AMHR2: variants seen among roughly 807,000 people sequenced by gnomAD.
The protein encoded by AMHR2 is anti-Muellerian hormone type-2 receptor.
In AMHR2, 36 loss-of-function variants were observed where a neutral mutation model predicts 61.4. That is an observed-to-expected ratio of 0.59 (90% CI 0.45 to 0.77). The LOEUF (loss-of-function observed/expected upper bound fraction) is 0.77. AMHR2 is among the 30% of genes least tolerant of loss of function. The probability of loss-of-function intolerance (pLI) is 0.00; values close to 1 mark genes in which losing one functional copy is unlikely to be tolerated. For synonymous variants in AMHR2, 258 were observed against 279.4 expected (o/e 0.92, Z 0.76); for missense variants, 638 against 714.6 (o/e 0.89, Z 1.22).
chr12:53,425,279 G>A, intron 4 of AMHR2, 37 bp downstream of exon 4: 1 of 1,611,402 alleles, frequency 6.2e-7, no homozygotes, highest in South Asian at 1.1e-5. Flanking sequence ...GTGACCCCAA[G>A]ACATTGCCCC....
chr12:53,426,944 A>C (rs976363050), intron 6 of AMHR2, among the ~76,000 whole-genome samples: 2 of 148,648 alleles, frequency 1.3e-5, no homozygotes, highest in Admixed American at 1.4e-4. Context: ...TAGCCCCCCA[A>C]AGTGCTGGGA....
At position 53,429,626 on chromosome 12, in the gene AMHR2, G is replaced by A. The variant is rs760504746; in HGVS notation, c.1140+1G>A. 7 of 1,613,824 alleles carry A rather than the reference G, an allele frequency of 4.3e-6. No homozygotes were observed. In the African/African-American group the frequency reaches 6.7e-5, roughly 15 times the overall value. ...ACAAGGCCCAGCTGCCATCATGGAA[G>A]TGAGTTCTCTGGATAACTGGTGAGG... On this transcript the variant is annotated splice_donor_variant, in intron 8 of 10. Transcript: ENST00000257863. LOFTEE classifies it high-confidence loss of function.
chr12:53,431,210 T>C lies in AMHR2; in HGVS notation c.1459T>C (p.Cys487Arg). 6.2e-7 allele frequency: 1 copy of C among 1,614,236 alleles called. No homozygotes were observed. The highest frequency in any genetic ancestry group is 8.5e-7 in the Non-Finnish European group (1 of 1,180,040). ...TGGGCTGAGGGAGCTCCTAGAAGAC[T>C]GTTGGGATGCAGACCCAGAAGCACG... ...PDGLRELLED[C>R]WDADPEARLT... is the part of the protein sequence containing the mutation. The change falls in exon 11 of 11, where the codon TGT becomes CGT. Residue 487 changes from cysteine to arginine, a missense_variant. Cys to Arg is a radical substitution (Grantham distance 180). Transcript: ENST00000257863.
chr12:53,430,863 T>C, intron 10 of AMHR2: 1 of 467,120 alleles, frequency 2.1e-6, no homozygotes. Context: ...TGACAGAAAC[T>C]GGGCATTACT....
Position 53,423,881 on chromosome 12 carries a change from G to A in AMHR2, c.-54G>A. ...TATCTGAAGAAAGATTTGGCCAGGG[G>A]CAGCTGTGCTGGCTTATGCTCTTCT... On this transcript the variant is annotated 5_prime_UTR_variant, in exon 1 of 11. Coordinates refer to ENST00000257863, the MANE Select transcript of AMHR2 (RefSeq NM_020547.3). 4 of 1,601,678 alleles carry A rather than the reference G, an allele frequency of 2.5e-6. No homozygotes were observed. Among genetic ancestry groups the A allele is most frequent in the Non-Finnish European group, 3.4e-6 (4 of 1,169,282 alleles).
At position 53,424,910 on chromosome 12, in the gene AMHR2, CAAGGGTACTG is replaced by C; in HGVS notation, c.424+14_424+23del. 1 of 1,608,710 alleles carries C rather than the reference CAAGGGTACTG, an allele frequency of 6.2e-7. No individual in the cohort carries two copies. The highest frequency in any genetic ancestry group is 8.5e-7 in the Non-Finnish European group (1 of 1,179,498). On this transcript the variant is annotated intron_variant, in intron 3 of 10. Transcript: ENST00000257863. The stretch of plus-strand genomic sequence containing the variant: ...CCCCAGGCTGCCCCAGGTAGCCACC[CAAGGGTACTG>C]AAGCCTGATGGGGGCTGGGGCCCAG...
chr12:53,425,067 G>C (rs1020274598), intron 3 of AMHR2, 98 bp from the exon 4 acceptor site: 1 of 1,599,560 alleles, frequency 6.3e-7, no homozygotes, highest in Admixed American at 1.7e-5. Context: ...TTGTGACCAG[G>C]GTGGGGGTGG....
chr12:53,424,126 C>T, intron 1 of AMHR2, 143 bp downstream of exon 1: 1 of 1,307,658 alleles, frequency 7.6e-7, no homozygotes, highest in South Asian at 1.2e-5. Flanking sequence ...GTCCCCATGG[C>T]AGGGCTCAGG....
In AMHR2 at chr12:53,431,424, G is replaced by A. The variant is rs748564130; in HGVS notation, c.1673G>A (p.Gly558Asp). Residue 558 changes from glycine (G) to aspartate (D), a missense_variant, in exon 11 of 11, where the codon GGC becomes GAC. Coordinates refer to ENST00000257863, the MANE Select transcript of AMHR2 (RefSeq NM_020547.3). ...RSACHFSVQQ[G>D]PCSRNPQPAC... ...GCCTGCCACTTCAGCGTTCAGCAAG[G>A]CCCTTGTTCCAGGAATCCTCAGCCT... 16 of 1,614,094 alleles carry A rather than the reference G, an allele frequency of 9.9e-6. No individual in the cohort carries two copies. The highest frequency in any genetic ancestry group is 1.4e-5 in the Non-Finnish European group (16 of 1,180,050).
At position 53,431,561 on chromosome 12, in the gene AMHR2, C is replaced by T; in HGVS notation, c.*88C>T. ...TTGTCTGCCTCATCACTGCATTTCC[C>T]ACCTGCCGAATCCTTGGATTCTTCT... On this transcript the variant is annotated 3_prime_UTR_variant, in exon 11 of 11. Transcript: ENST00000257863. 6.5e-7 allele frequency: 1 copy of T among 1,542,834 alleles called. No homozygotes were observed. The highest frequency in any genetic ancestry group is 8.9e-7 in the Non-Finnish European group (1 of 1,121,798).
chr12:53,423,987 A>G lies in AMHR2; in HGVS notation c.49+4A>G, dbSNP rs1181914244. On this transcript the variant is annotated splice_donor_region_variant and intron_variant, in intron 1 of 10. Coordinates refer to ENST00000257863, the MANE Select transcript of AMHR2 (RefSeq NM_020547.3). ...TTACTTCCCACAGCTGTGGAAGGTA[A>G]GTGTCTACAGGGAGGGGAAGGGTCT... 4.3e-6 allele frequency: 7 copies of G among 1,614,054 alleles called. No homozygotes were observed. The highest frequency in any genetic ancestry group is 1.7e-5 in the Admixed American group (1 of 60,012).
At position 53,425,522 on chromosome 12, in the gene AMHR2, C is replaced by A. The variant is rs1272471879; in HGVS notation, c.570C>A (p.Gly190=). 6 of 1,614,112 alleles carry A rather than the reference C, an allele frequency of 3.7e-6. No individual in the cohort carries two copies. The highest frequency in any genetic ancestry group is 5.1e-6 in the Non-Finnish European group (6 of 1,180,048). The change falls in exon 5 of 11, where the codon GGC becomes GGA. Residue 190 remains glycine (G), a synonymous_variant. Coordinates refer to ENST00000257863, the MANE Select transcript of AMHR2 (RefSeq NM_020547.3). Reference sequence around the variant, plus strand: ...TGCCAGAGCCAAGGCCAGACTCAGGCAGGGACTGGAGTGTGGAGCTGCAGG... The same window carrying A: ...TGCCAGAGCCAAGGCCAGACTCAGGAAGGGACTGGAGTGTGGAGCTGCAGG... The part of the protein sequence containing the change: ...EPVPEPRPDS[G]RDWSVELQEL...
rs139699904 is a variant in AMHR2, at chr12:53,430,226, G to A, written c.1369G>A (p.Ala457Thr). ...TPTSDELWALAVQERRRPYIP... is the reference protein window; with the variant it reads ...TPTSDELWALTVQERRRPYIP... Reference sequence around the variant, plus strand: ...TACCTCTGATGAGCTATGGGCCTTGGCAGTGCAGGAGAGGAGGCGTCCCTA... The same window carrying A: ...TACCTCTGATGAGCTATGGGCCTTGACAGTGCAGGAGAGGAGGCGTCCCTA... The change falls in exon 10 of 11, where the codon GCA (alanine) becomes ACA (threonine). Residue 457 changes from alanine (A) to threonine (T), a missense_variant. Coordinates refer to ENST00000257863, the MANE Select transcript of AMHR2 (RefSeq NM_020547.3). 4.2e-5 allele frequency: 68 copies of A among 1,614,076 alleles called. No individual in the cohort carries two copies. Among genetic ancestry groups the A allele is most frequent in the Non-Finnish European group, 5.7e-5 (67 of 1,180,042 alleles).
chr12:53,424,448 C>T lies in AMHR2; in HGVS notation c.210C>T (p.Asp70=), dbSNP rs1323403175. ...TTGGGATCTGGAACCTGACCCAAGA[C>T]CGGGCACAGGTGGAAATGCAAGGTG... The part of the protein sequence containing the change: ...CCFGIWNLTQ[D]RAQVEMQGCR... The change falls in exon 2 of 11, where the codon GAC becomes GAT. Residue 70 remains aspartate (D), a synonymous_variant. Coordinates refer to ENST00000257863, the MANE Select transcript of AMHR2 (RefSeq NM_020547.3). 6.2e-7 allele frequency: 1 copy of T among 1,613,380 alleles called. No individual in the cohort carries two copies. The highest frequency in any genetic ancestry group is 1.1e-5 in the South Asian group (1 of 90,984).
At chr12:53,426,941 C>T (rs12811015) in intron 6 of AMHR2, among the ~76,000 whole-genome samples, 2 of 148,438 alleles carry the variant, frequency 1.3e-5, no homozygotes, top group African/African-American at 5.0e-5. Flanking sequence ...TCTTAGCCCC[C>T]CAAAGTGCTG....
chr12:53,429,737 C>T (rs1469035152), intron 8 of AMHR2, 94 bp from the exon 9 acceptor site: 4 of 1,602,378 alleles, frequency 2.5e-6, no homozygotes, highest in African/African-American at 2.7e-5. Flanking sequence ...TGGGACATTG[C>T]TGAGTCTGTA....
intron 6 of AMHR2, 33 bp downstream of exon 6, chr12:53,425,952 G>A (rs2136950461): frequency 1.3e-6 from 2 of 1,591,968 alleles, no homozygotes; most frequent in East Asian, 4.5e-5. Context: ...GTGTGTGTGT[G>A]TGCCTGTGTG....
At chr12:53,429,705 T>C (rs1455311796) in intron 8 of AMHR2, 80 bp downstream of exon 8, 5 of 1,599,758 alleles carry the variant, frequency 3.1e-6, no homozygotes, top group Non-Finnish European at 4.3e-6. Flanking sequence ...GTGTCAACAG[T>C]TGTAGCAATA....
In AMHR2 at chr12:53,431,180, C is replaced by A; in HGVS notation, c.1429C>A (p.Pro477Thr). 6.2e-7 allele frequency: 1 copy of A among 1,614,128 alleles called. No homozygotes were observed. The highest frequency in any genetic ancestry group is 8.5e-7 in the Non-Finnish European group (1 of 1,180,050). ...PSTWRCFATD[P>T]DGLRELLEDC... is the part of the protein sequence containing the mutation. ...TCCTCCCTGTCATTCCCCCCAGGACCCTGATGGGCTGAGGGAGCTCCTAGA... is the reference window on the plus strand; with the variant it reads ...TCCTCCCTGTCATTCCCCCCAGGACACTGATGGGCTGAGGGAGCTCCTAGA... Residue 477 changes from proline to threonine, a missense_variant, in exon 11 of 11, where the codon CCT (proline) becomes ACT (threonine). Coordinates refer to ENST00000257863, the MANE Select transcript of AMHR2 (RefSeq NM_020547.3).
Sources: gnomAD v4.1 joint callset for allele counts (sites outside exome capture counted in the v4.1 genomes callset) on GRCh38, gnomAD v4.1.1 for gene constraint, MANE v1.5 for transcripts, NCBI Gene and HGNC (gene_info 2026-07-23, HGNC 2026-07-21) for gene names.